Variants in USO1 observed in about 807,000 individuals in gnomAD.
USO1 encodes the protein USO1 vesicle transport factor.
In USO1, 57 loss-of-function variants were observed where a neutral mutation model predicts 124.5. The ratio of observed to expected loss-of-function variants is 0.46; its 90% CI spans 0.37 to 0.57. The LOEUF (loss-of-function observed/expected upper bound fraction) is 0.57. Ranked by LOEUF, USO1 falls within the 20% of genes least tolerant of loss-of-function variation. USO1 has a pLI of 0.00. For synonymous variants in USO1, 369 were observed against 362.8 expected (o/e 1.02, Z -0.19); for missense variants, 900 against 1,040.6 (o/e 0.86, Z 1.86).
rs752718287 is a variant in USO1, at chr4:75,724,841, A to G, written c.22A>G (p.Met8Val). 12 of 1,613,434 alleles carry G rather than the reference A, an allele frequency of 7.4e-6. No homozygotes were observed. In the Admixed American group the frequency reaches 8.3e-5, roughly 11 times the overall value. Residue 8 changes from methionine (M) to valine (V), a missense_variant, in exon 1 of 24, where the codon ATG becomes GTG. Around this residue, in one of 2 missense-constraint regions of USO1, gnomAD observed 538 missense variants for 681.6 expected, o/e 0.79. Coordinates refer to ENST00000514213, the MANE Select transcript of USO1 (RefSeq NM_003715.4). Reference sequence around the variant, plus strand: ...CAAGATGAATTTCCTCCGCGGGGTAATGGGGGGTCAGAGTGCCGGACCCCA... The same window carrying G: ...CAAGATGAATTTCCTCCGCGGGGTAGTGGGGGGTCAGAGTGCCGGACCCCA... The part of the protein sequence containing the change: MNFLRGV[M>V]GGQSAGPQHT...
At chr4:75,727,617 G>A (rs1720502081) in intron 1 of USO1, among the ~76,000 whole-genome samples, 1 of 152,132 alleles carries the variant, frequency 6.6e-6, no homozygotes, top group Admixed American at 6.5e-5. Flanking sequence ...AATTTTAGAT[G>A]TTTTAATTGA....
chr4:75,785,817 C>T (rs950091353), intron 9 of USO1, among the ~76,000 whole-genome samples: 10 of 151,872 alleles, frequency 6.6e-5, no homozygotes, highest in African/African-American at 2.4e-4. Flanking sequence ...GTACAATTGA[C>T]ATATTGCGTA....
At chr4:75,809,373 T>C (rs1723082607) in intron 21 of USO1, among the ~76,000 whole-genome samples, 1 of 152,214 alleles carries the variant, frequency 6.6e-6, no homozygotes, top group African/African-American at 2.4e-5. Flanking sequence ...AGAACATTCC[T>C]TCTCATACTT....
At chr4:75,733,768 G>A (rs1720706903) in intron 1 of USO1, among the ~76,000 whole-genome samples, 1 of 152,052 alleles carries the variant, frequency 6.6e-6, no homozygotes, top group African/African-American at 2.4e-5. Context: ...GTTATAAGTT[G>A]TTTGTTTACT....
At chr4:75,757,139 T>C (rs572237117) in intron 3 of USO1, among the ~76,000 whole-genome samples, 1 of 152,212 alleles carries the variant, frequency 6.6e-6, no homozygotes, top group Admixed American at 6.5e-5. Flanking sequence ...TTTTATATTT[T>C]TCCACTTGCT....
intron 1 of USO1, among the ~76,000 whole-genome samples, chr4:75,752,150 G>T (rs2149154164): frequency 6.6e-6 from 1 of 151,966 alleles, no homozygotes; most frequent in Non-Finnish European, 1.5e-5. Context: ...GATTTATTTT[G>T]ACTTCTCTTT....
chr4:75,778,582 A>C (rs987445681), intron 8 of USO1, among the ~76,000 whole-genome samples: 1 of 152,162 alleles, frequency 6.6e-6, no homozygotes, highest in Non-Finnish European at 1.5e-5. Context: ...GACCATAAAT[A>C]TTTAGATCAG....
At chr4:75,799,878 T>C in intron 14 of USO1, 146 bp downstream of exon 14, 1 of 928,060 alleles carries the variant, frequency 1.1e-6, no homozygotes. Context: ...TTAAAGTTGT[T>C]ATGATGCTTG....
chr4:75,799,899 GT>G (rs1364607958), intron 14 of USO1, among the ~76,000 whole-genome samples, 167 bp downstream of exon 14: 2 of 150,918 alleles, frequency 1.3e-5, no homozygotes, highest in Non-Finnish European at 3.0e-5. Context: ...TTTAAGTTGT[GT>G]GTGTGTGGTT....
At chr4:75,807,567 T>G (rs1416285140) in intron 20 of USO1, among the ~76,000 whole-genome samples, 1 of 152,176 alleles carries the variant, frequency 6.6e-6, no homozygotes, top group Non-Finnish European at 1.5e-5. Context: ...ATTCTAAATA[T>G]CTGACCTCTT....
At chr4:75,752,342 C>A in intron 1 of USO1, 31 bp from the exon 2 acceptor site, 1 of 397,302 alleles carries the variant, frequency 2.5e-6, no homozygotes, top group Non-Finnish European at 4.4e-6. Context: ...TTTTTTTATT[C>A]TTTTAATGCC....
At chr4:75,762,968 A>G (rs1190134017) in intron 4 of USO1, among the ~76,000 whole-genome samples, 1 of 152,214 alleles carries the variant, frequency 6.6e-6, no homozygotes, top group African/African-American at 2.4e-5. Flanking sequence ...TACCTGTTTA[A>G]TTAACTACCA....
chr4:75,737,990 G>A (rs1720844216), intron 1 of USO1, among the ~76,000 whole-genome samples: 1 of 151,380 alleles, frequency 6.6e-6, no homozygotes. Flanking sequence ...ATCACACCCA[G>A]CCAATTTTTC....
Position 75,774,710 on chromosome 4 carries a change from A to G in USO1, c.590A>G (p.Asn197Ser), listed in dbSNP as rs567240121. 2.8e-5 allele frequency: 45 copies of G among 1,613,550 alleles called. No individual in the cohort carries two copies. The highest frequency in any genetic ancestry group is 1.5e-4 in the Admixed American group (9 of 60,000). The change falls in exon 8 of 24, where the codon AAT (asparagine) becomes AGT (serine). Residue 197 changes from asparagine to serine, a missense_variant. Transcript: ENST00000514213. ...CTACTGCAGGCACTAACAAGAAGCA[A>G]TGGTGCAATCCAGAAAATTGTTGCT... ...VLLLQALTRS[N>S]GAIQKIVAFE...
intron 7 of USO1, among the ~76,000 whole-genome samples, chr4:75,773,858 A>C (rs750993270): frequency 5.9e-5 from 9 of 152,152 alleles, no homozygotes; most frequent in Non-Finnish European, 1.2e-4. Flanking sequence ...GTTTGCCTCT[A>C]TGGGACTTTT....
intron 8 of USO1, among the ~76,000 whole-genome samples, chr4:75,780,758 G>A (rs867955593): frequency 5.1e-5 from 7 of 136,824 alleles, no homozygotes; most frequent in South Asian, 2.3e-4. Context: ...AGCAATTCTC[G>A]TACCTCAGCC....
intron 1 of USO1, among the ~76,000 whole-genome samples, chr4:75,748,325 A>G (rs1016238942): frequency 2.0e-5 from 3 of 150,572 alleles, no homozygotes; most frequent in Non-Finnish European, 4.4e-5. Context: ...AACAGCTGAG[A>G]CTACAGGCGT....
intron 1 of USO1, among the ~76,000 whole-genome samples, chr4:75,743,500 C>T (rs1416479228): frequency 6.6e-6 from 1 of 152,140 alleles, no homozygotes; most frequent in Non-Finnish European, 1.5e-5. Flanking sequence ...TCACTTCCCT[C>T]ACTTTCTGTG....
At position 75,809,026 on chromosome 4, in the gene USO1, A is replaced by C. The variant is rs375924902; in HGVS notation, c.2450A>C (p.Glu817Ala). The C allele has an allele frequency of 3.3e-5, 53 of 1,602,626 alleles. No individual in the cohort carries two copies. The African/African-American group carries it at 4.5e-4, about 14-fold the overall frequency. Residue 817 changes from glutamate (E) to alanine (A), a missense_variant, in exon 21 of 24, where the codon GAA (glutamate) becomes GCA (alanine). Physicochemically the swap from Glu to Ala is moderately radical, Grantham distance 107. Transcript: ENST00000514213. Reference protein sequence around the residue: ...EITKLQTEKQELLQKTEAFAK... With the variant: ...EITKLQTEKQALLQKTEAFAK... ...ACCAAACTACAGACAGAAAAGCAGG[A>C]ACTGTTACAGAAAACAGAAGCGTTT...
Sources: gnomAD v4.1 joint callset for allele counts (sites outside exome capture counted in the v4.1 genomes callset) on GRCh38, gnomAD v4.1.1 for gene constraint, gnomAD v4.1.1 regional missense constraint, MANE v1.5 for transcripts, NCBI Gene and HGNC (gene_info 2026-07-23, HGNC 2026-07-21) for gene names.